MICU1: variants seen among roughly 807,000 people sequenced by gnomAD.
MICU1 encodes mitochondrial calcium uptake 1, also known as calcium uptake protein 1, mitochondrial.
In MICU1, 45 loss-of-function variants were observed where a neutral mutation model predicts 56.8. The observed-to-expected ratio is 0.79, with a 90% CI of 0.62 to 1.02. The LOEUF (loss-of-function observed/expected upper bound fraction) is 1.02. MICU1 is among the 50% of genes least tolerant of loss of function. MICU1 has a pLI of 0.00. For missense variants in MICU1, 504 were observed against 587.1 expected (o/e 0.86, Z 1.46); for synonymous variants, 186 against 195.1 (o/e 0.95, Z 0.39).
At chr10:72,592,845 C>T (rs533448823) in intron 1 of MICU1, among the ~76,000 whole-genome samples, 1 of 150,658 alleles carries the variant, frequency 6.6e-6, no homozygotes, top group East Asian at 2.0e-4. Context: ...AGCAATGGCG[C>T]AATCTCGGCT....
At chr10:72,392,973 A>G (rs1466698769) in intron 10 of MICU1, among the ~76,000 whole-genome samples, 2 of 152,234 alleles carry the variant, frequency 1.3e-5, no homozygotes, top group Non-Finnish European at 2.9e-5. Context: ...GTGAACAGTT[A>G]AAATTACTAC....
intron 1 of MICU1, among the ~76,000 whole-genome samples, chr10:72,581,407 T>C (rs1051511537): frequency 2.0e-5 from 3 of 152,254 alleles, no homozygotes; most frequent in Non-Finnish European, 4.4e-5. Flanking sequence ...AGGCAGGCGA[T>C]CACTTGAGGT....
At chr10:72,500,697 C>T (rs1867042175) in intron 6 of MICU1, among the ~76,000 whole-genome samples, 1 of 152,158 alleles carries the variant, frequency 6.6e-6, no homozygotes, top group East Asian at 1.9e-4. Flanking sequence ...GGGTTAATAA[C>T]TTTAGATTGA....
intron 1 of MICU1, among the ~76,000 whole-genome samples, chr10:72,582,035 T>C (rs1840913436): frequency 6.6e-6 from 1 of 152,174 alleles, no homozygotes; most frequent in African/African-American, 2.4e-5. Context: ...GTTCAAGTGA[T>C]TCTCCTGCCT....
intron 6 of MICU1, among the ~76,000 whole-genome samples, chr10:72,487,131 G>A (rs375530126): frequency 3.3e-5 from 5 of 152,272 alleles, no homozygotes; most frequent in South Asian, 2.1e-4. Context: ...GAAGGGATGA[G>A]ACGATGTTGA....
At chr10:72,442,568 C>T (rs1481233036) in intron 8 of MICU1, among the ~76,000 whole-genome samples, 2 of 152,168 alleles carry the variant, frequency 1.3e-5, no homozygotes, top group African/African-American at 2.4e-5. Flanking sequence ...TAAAAGACGA[C>T]TTGTTTTATG....
chr10:72,549,862 G>A (rs1479115089), intron 4 of MICU1, among the ~76,000 whole-genome samples: 1 of 147,846 alleles, frequency 6.8e-6, no homozygotes, highest in African/African-American at 2.5e-5. Context: ...CCCAGGAGGT[G>A]GAGATTGCAG....
chr10:72,534,239 C>T (rs1445456105), intron 4 of MICU1, among the ~76,000 whole-genome samples: 1 of 143,532 alleles, frequency 7.0e-6, no homozygotes, highest in African/African-American at 2.6e-5. Context: ...TAAACAGACA[C>T]AAACAGACCA....
chr10:72,416,950 T>C (rs987638446), intron 9 of MICU1, among the ~76,000 whole-genome samples: 2 of 152,204 alleles, frequency 1.3e-5, no homozygotes, highest in Non-Finnish European at 2.9e-5. Flanking sequence ...CCTTGCTTTA[T>C]ATTTGTTTAA....
At chr10:72,514,294 G>A (rs1867576350) in intron 5 of MICU1, among the ~76,000 whole-genome samples, 1 of 151,564 alleles carries the variant, frequency 6.6e-6, no homozygotes, top group Non-Finnish European at 1.5e-5. Context: ...TAAAGTCTTT[G>A]AGTAGTACAT....
rs369538501 is a variant in MICU1 at position 72,408,023 on chromosome 10, C to T, written c.1086G>A (p.Gln362=). 12 of 1,613,078 alleles carry T rather than the reference C, an allele frequency of 7.4e-6. No individual in the cohort carries two copies. The African/African-American group carries it at 1.1e-4, about 14-fold the overall frequency. ...GGAAAGTAAAGAAGTTCTCCACCTC[C>T]TGAAATGTCAGACCCTGCAAGAGGA... The part of the protein sequence containing the change: ...HFKEGKGLTF[Q]EVENFFTFLK... The change falls in exon 10 of 12, where the codon CAG becomes CAA. Residue 362 remains glutamine, a synonymous_variant. Coordinates refer to ENST00000361114, the MANE Select transcript of MICU1 (RefSeq NM_001195518.2).
At chr10:72,407,403 A>AG (rs1453480612) in intron 10 of MICU1, among the ~76,000 whole-genome samples, 1 of 152,210 alleles carries the variant, frequency 6.6e-6, no homozygotes, top group Non-Finnish European at 1.5e-5. Context: ...TGAAATGTTG[A>AG]GGGAAAAATT....
intron 3 of MICU1, among the ~76,000 whole-genome samples, chr10:72,557,033 TC>T (rs1840176237): frequency 6.6e-6 from 1 of 151,916 alleles, no homozygotes; most frequent in South Asian, 2.1e-4. Flanking sequence ...GCCACTGCAC[TC>T]TAGCCTGGGT....
At chr10:72,534,714 G>A (rs2132412443) in intron 4 of MICU1, among the ~76,000 whole-genome samples, 1 of 152,156 alleles carries the variant, frequency 6.6e-6, no homozygotes, top group East Asian at 1.9e-4. Context: ...CCCAGAAAAA[G>A]CTTTTTGCAT....
chr10:72,543,594 G>A (rs987500822), intron 4 of MICU1, among the ~76,000 whole-genome samples: 1 of 152,082 alleles, frequency 6.6e-6, no homozygotes, highest in Non-Finnish European at 1.5e-5. Context: ...GGTGGCTCAC[G>A]CCTGTAATCC....
At chr10:72,430,355 A>G (rs1472375472) in intron 8 of MICU1, among the ~76,000 whole-genome samples, 3 of 152,186 alleles carry the variant, frequency 2.0e-5, no homozygotes, top group African/African-American at 7.2e-5. Flanking sequence ...TTAGGAATTG[A>G]TCCCTAGAAA....
chr10:72,500,426 G>C lies in MICU1; in HGVS notation c.652+7729C>G, dbSNP rs188681722. Among the ~76,000 whole-genome samples, 43 of 146,480 alleles carry C rather than the reference G, an allele frequency of 2.9e-4. 2 individuals are homozygous for C. In the East Asian group the frequency reaches 9.2e-3, roughly 31 times the overall value. ...TAACCTCTGCCTCCCAGGTTCAAGC[G>C]ATTCTTGTTTCTCAGCTCCCTAATA... is the stretch of plus-strand genomic sequence containing the variant. On this transcript the variant is annotated intron_variant, in intron 6 of 11. Coordinates refer to ENST00000361114, the MANE Select transcript of MICU1 (RefSeq NM_001195518.2).
At chr10:72,471,887 T>C (rs963399219) in intron 8 of MICU1, among the ~76,000 whole-genome samples, 16 of 152,082 alleles carry the variant, frequency 1.1e-4, no homozygotes, top group Non-Finnish European at 2.2e-4. Flanking sequence ...TATTGGAACA[T>C]TCCTATAAGA....
chr10:72,389,006 C>T (rs866602777), intron 10 of MICU1, among the ~76,000 whole-genome samples: 13 of 152,136 alleles, frequency 8.5e-5, no homozygotes, highest in African/African-American at 2.2e-4. Context: ...AGATTAAAAG[C>T]GATAACATGC....
Sources: allele counts gnomAD v4.1 joint callset (sites outside exome capture counted in the v4.1 genomes callset), GRCh38; gene constraint gnomAD v4.1.1; transcripts MANE v1.5; gene names NCBI Gene and HGNC (gene_info 2026-07-23, HGNC 2026-07-21).